The following CNTLN variants were observed in gnomAD, a reference collection of about 807,000 sequenced individuals.
CNTLN encodes the protein centlein.
Under a neutral mutation model 180.0 loss-of-function variants are expected in CNTLN, and 212 were observed. The observed-to-expected ratio is 1.18, with a 90% CI of 1.05 to 1.32. The LOEUF is 1.32. Ranked by LOEUF, CNTLN falls within the 40% of genes most tolerant of loss-of-function variation. The probability of loss-of-function intolerance (pLI) is 0.00; values close to 1 mark genes in which losing one functional copy is unlikely to be tolerated. For missense variants in CNTLN, 2,095 were observed against 1,610.9 expected (o/e 1.30, Z -5.14); for synonymous variants, 722 against 563.1 (o/e 1.28, Z -3.99).
the CNTLN span, among the ~76,000 whole-genome samples, chr9:17,513,374 G>C: frequency 6.6e-6 from 1 of 151,902 alleles, no homozygotes; most frequent in Non-Finnish European, 1.5e-5. Flanking sequence ...AAAATGAACT[G>C]AAAAAATTAA....
rs542436512 is a variant in CNTLN, at chr9:17,397,447, G to A, written c.2615+2378G>A. Among the ~76,000 whole-genome samples, 6 of 152,294 alleles carry A rather than the reference G, an allele frequency of 3.9e-5. No homozygotes were observed. In the East Asian group the frequency reaches 9.7e-4, roughly 25 times the overall value. On this transcript the variant is annotated intron_variant, in intron 15 of 25. Transcript: ENST00000380647. ...AGACCATATAGGGTAACTTCCTGAC[G>A]TTGCCATGGCATTGGTAAACTGTCA...
At chr9:17,266,149 C>T (rs1192202410) in intron 5 of CNTLN, among the ~76,000 whole-genome samples, 2 of 150,522 alleles carry the variant, frequency 1.3e-5, no homozygotes, top group Non-Finnish European at 3.0e-5. Flanking sequence ...AGTTTTGGAT[C>T]TTCCTGCTTT....
chr9:17,309,855 A>C (rs1321895246), intron 8 of CNTLN, among the ~76,000 whole-genome samples: 1 of 152,088 alleles, frequency 6.6e-6, no homozygotes, highest in Non-Finnish European at 1.5e-5. Flanking sequence ...CTTTAAAAAA[A>C]TCTCTGTGAA....
At chr9:17,361,990 T>G (rs1177109850) in intron 12 of CNTLN, among the ~76,000 whole-genome samples, 1 of 152,210 alleles carries the variant, frequency 6.6e-6, no homozygotes, top group Non-Finnish European at 1.5e-5. Context: ...TCTGCCTCTG[T>G]CAGCTCCTCC....
chr9:17,508,773 T>A (rs1833977808), downstream of CNTLN, among the ~76,000 whole-genome samples: 2 of 152,230 alleles, frequency 1.3e-5, no homozygotes, highest in African/African-American at 4.8e-5. Context: ...CTGAGTAGCA[T>A]CTCATTATAT....
intron 14 of CNTLN, among the ~76,000 whole-genome samples, chr9:17,391,690 T>C (rs1176627304): frequency 6.6e-6 from 1 of 152,210 alleles, no homozygotes; most frequent in Non-Finnish European, 1.5e-5. Context: ...ATACAGCTGA[T>C]TTAATGGCTA....
At chr9:17,151,056 T>C (rs570235000) in intron 2 of CNTLN, among the ~76,000 whole-genome samples, 6 of 152,300 alleles carry the variant, frequency 3.9e-5, no homozygotes, top group East Asian at 3.9e-4. Context: ...GCTGAGACCA[T>C]GGGGTTTTCT....
chr9:17,312,553 A>ATTTTTTTTTTTTTTTT (rs56915301), intron 8 of CNTLN, among the ~76,000 whole-genome samples: 1 of 100,424 alleles, frequency 1.0e-5, no homozygotes, highest in Non-Finnish European at 2.0e-5. Flanking sequence ...AGCCCGGCTA[A>ATTTTTTTTTTTTTTTT]TTTTTTTTTT....
chr9:17,361,827 G>A (rs1403834841), intron 12 of CNTLN, among the ~76,000 whole-genome samples: 1 of 152,180 alleles, frequency 6.6e-6, no homozygotes, highest in Non-Finnish European at 1.5e-5. Context: ...ATTGTCCAGT[G>A]GCCGAATACA....
chr9:17,332,486 ATTTTT>A, intron 9 of CNTLN, 114 bp from the exon 10 acceptor site: 1 of 776,722 alleles, frequency 1.3e-6, no homozygotes, highest in Non-Finnish European at 1.9e-6. Flanking sequence ...TCCATGCAGG[ATTTTT>A]TTTTTTTTTA....
chr9:17,304,049 A>T (rs550016948), intron 7 of CNTLN, among the ~76,000 whole-genome samples: 1 of 152,162 alleles, frequency 6.6e-6, no homozygotes, highest in South Asian at 2.1e-4. Context: ...TATTAAGTAG[A>T]TCTGTATCAT....
intron 2 of CNTLN, among the ~76,000 whole-genome samples, chr9:17,150,984 G>C (rs138183863): frequency 6.6e-6 from 1 of 152,088 alleles, no homozygotes; most frequent in Admixed American, 6.5e-5. Context: ...TGTGATTTTC[G>C]CACATTGATT....
At chr9:17,161,592 G>T (rs577627793) in intron 2 of CNTLN, among the ~76,000 whole-genome samples, 150 of 152,262 alleles carry the variant, frequency 9.9e-4, no homozygotes, top group African/African-American at 3.3e-3. Context: ...CAGTATCTTT[G>T]CCTTAGACAC....
intron 25 of CNTLN, among the ~76,000 whole-genome samples, chr9:17,497,927 C>T (rs1431074709): frequency 1.3e-5 from 2 of 152,092 alleles, no homozygotes; most frequent in Non-Finnish European, 2.9e-5. Flanking sequence ...CCAAATGTTG[C>T]ACCTTTAATT....
chr9:17,173,098 T>G (rs917357139), intron 2 of CNTLN, among the ~76,000 whole-genome samples: 1 of 152,182 alleles, frequency 6.6e-6, no homozygotes, highest in Non-Finnish European at 1.5e-5. Flanking sequence ...AAAGAACGAA[T>G]AGTACATCTT....
chr9:17,404,115 C>G (rs1183363236), intron 15 of CNTLN, among the ~76,000 whole-genome samples: 1 of 151,722 alleles, frequency 6.6e-6, no homozygotes, highest in Admixed American at 6.6e-5. Flanking sequence ...TGACAATGCT[C>G]TGTGTCTTCA....
At chr9:17,308,009 C>CAT (rs994344565) in intron 7 of CNTLN, among the ~76,000 whole-genome samples, 2 of 148,638 alleles carry the variant, frequency 1.3e-5, no homozygotes, top group Non-Finnish European at 3.0e-5. Flanking sequence ...CACACACACA[C>CAT]ACACACACAT....
intron 16 of CNTLN, among the ~76,000 whole-genome samples, chr9:17,413,077 C>T (rs1827972733): frequency 6.6e-6 from 1 of 152,142 alleles, no homozygotes; most frequent in South Asian, 2.1e-4. Context: ...GTACACCCGC[C>T]ATTATTATTC....
At chr9:17,342,763 G>A (rs1761539797) in intron 12 of CNTLN, among the ~76,000 whole-genome samples, 1 of 152,128 alleles carries the variant, frequency 6.6e-6, no homozygotes, top group Non-Finnish European at 1.5e-5. Context: ...TTTGGAATGA[G>A]GTGGAGAGGG....
Sources: allele counts gnomAD v4.1 joint callset (sites outside exome capture counted in the v4.1 genomes callset), GRCh38; gene constraint gnomAD v4.1.1; transcripts MANE v1.5; gene names NCBI Gene and HGNC (gene_info 2026-07-23, HGNC 2026-07-21).